U2SURP: variants seen among roughly 807,000 people sequenced by gnomAD.
U2SURP encodes U2 snRNP associated SURP domain containing.
U2SURP carries 9 observed loss-of-function variants against 144.9 expected under a neutral mutation model. The ratio of observed to expected loss-of-function variants is 0.06; its 90% CI spans 0.04 to 0.11. The LOEUF (loss-of-function observed/expected upper bound fraction) is 0.11. U2SURP is among the 10% of genes least tolerant of loss of function. U2SURP has a pLI of 1.00. For missense variants in U2SURP, 724 were observed against 1,226.7 expected, an observed-to-expected ratio of 0.59 and a Z score of 6.12; for synonymous variants, 408 against 396.8, an observed-to-expected ratio of 1.03 and a Z score of -0.33.
chr3:143,010,229 A>T (rs1036244314), intron 1 of U2SURP, among the ~76,000 whole-genome samples: 54 of 152,226 alleles, frequency 3.5e-4, no homozygotes, highest in Non-Finnish European at 5.9e-5. Flanking sequence ...GGAAGATATT[A>T]TATGAACTCT....
At chr3:143,039,356 G>C (rs1230306481) in intron 23 of U2SURP, among the ~76,000 whole-genome samples, 1 of 151,824 alleles carries the variant, frequency 6.6e-6, no homozygotes, top group Non-Finnish European at 1.5e-5. Context: ...TATGGCCATT[G>C]TGTTATTTAA....
At chr3:143,056,195 T>C (rs1466439039) in intron 27 of U2SURP, 117 bp from the exon 28 acceptor site, 2 of 1,064,372 alleles carry the variant, frequency 1.9e-6, no homozygotes, top group Non-Finnish European at 1.3e-6. Context: ...GTTCATAGTC[T>C]TATTGCAGTG....
chr3:143,029,755 CCAAA>C (rs1407431450), intron 16 of U2SURP, among the ~76,000 whole-genome samples: 5 of 152,088 alleles, frequency 3.3e-5, no homozygotes, highest in African/African-American at 7.2e-5. Flanking sequence ...GCCTCTTGCA[CCAAA>C]CAGTGAGCCA....
At chr3:143,020,518 T>C (rs912560837) in intron 7 of U2SURP, 81 bp from the exon 8 acceptor site, 2 of 873,208 alleles carry the variant, frequency 2.3e-6, no homozygotes, top group East Asian at 2.6e-5. Context: ...TATTTGATGA[T>C]AGTAATTTGA....
chr3:143,035,519 C>A (rs2108297859), intron 19 of U2SURP, among the ~76,000 whole-genome samples: 1 of 152,208 alleles, frequency 6.6e-6, no homozygotes, highest in South Asian at 2.1e-4. Context: ...AAGTTTTTGA[C>A]CTTAAATTTT....
chr3:143,019,364 A>T (rs375583571), intron 6 of U2SURP, among the ~76,000 whole-genome samples: 133 of 152,294 alleles, frequency 8.7e-4, no homozygotes, highest in African/African-American at 3.1e-3. Context: ...GATTATGAAT[A>T]TTCATTCCTG....
chr3:143,012,191 G>GT (rs761365625), intron 2 of U2SURP, 31 bp from the exon 3 acceptor site: 10 of 1,601,502 alleles, frequency 6.2e-6, no homozygotes, highest in Admixed American at 3.5e-5. Flanking sequence ...TGTGTGGTTT[G>GT]TTTTTTTCTC....
chr3:143,014,023 T>C (rs987364585), intron 3 of U2SURP, among the ~76,000 whole-genome samples: 1 of 151,602 alleles, frequency 6.6e-6, no homozygotes, highest in Non-Finnish European at 1.5e-5. Flanking sequence ...TTTATTCTTG[T>C]TCTAAGCATT....
In U2SURP at chr3:143,055,027, A is replaced by G. The variant is rs367886781; in HGVS notation, c.2859A>G (p.Arg953=). 63 of 1,608,734 alleles carry G rather than the reference A, an allele frequency of 3.9e-5. No individual in the cohort carries two copies. Among genetic ancestry groups the G allele is most frequent in the Admixed American group, 3.7e-4 (22 of 59,360 alleles). ...AATCCCCATCACCAAAATCGGAGCG[A>G]TCAGAGCGTTCAGAAAGATCTCATA... ...RVKSPSPKSE[R]SERSERSHKE... Residue 953 remains arginine, a synonymous_variant, in exon 27 of 28, where the codon CGA becomes CGG. Transcript: ENST00000473835.
intron 23 of U2SURP, among the ~76,000 whole-genome samples, chr3:143,039,838 T>C (rs962180210): frequency 1.3e-5 from 2 of 151,902 alleles, no homozygotes; most frequent in African/African-American, 4.8e-5. Flanking sequence ...TTTGATACGA[T>C]GGTGAAAACT....
At chr3:143,007,882 T>C (rs1935927313) in intron 1 of U2SURP, among the ~76,000 whole-genome samples, 1 of 152,256 alleles carries the variant, frequency 6.6e-6, no homozygotes, top group Middle Eastern at 3.2e-3. Context: ...CTATATTTAC[T>C]GTTTACCTTG....
rs767022063 is a variant in U2SURP, at chr3:143,016,368, A to G, written c.433A>G (p.Lys145Glu). 1 of 1,611,664 alleles carries G rather than the reference A, an allele frequency of 6.2e-7. No individual in the cohort carries two copies. The highest frequency in any genetic ancestry group is 8.5e-7 in the Non-Finnish European group (1 of 1,178,260). ...FVRGGVVNAA[K>E]EEHETDEKRG... is the part of the protein sequence containing the mutation. ...GCGAGGGGGTGTTGTTAATGCAGCT[A>G]AAGGTAAGTTTATAAAGTATAACTG... The change falls in exon 5 of 28, where the codon AAA becomes GAA. Residue 145 changes from lysine to glutamate, a missense_variant. Lys to Glu is a moderately conservative substitution (Grantham distance 56, BLOSUM62 1). Coordinates refer to ENST00000473835, the MANE Select transcript of U2SURP (RefSeq NM_001080415.2).
intron 16 of U2SURP, 54 bp downstream of exon 16, chr3:143,028,700 C>A: frequency 1.4e-6 from 2 of 1,468,386 alleles, no homozygotes; most frequent in East Asian, 2.3e-5. Context: ...GTAATGGTTG[C>A]TTTAATTAAT....
chr3:143,019,869 A>T, intron 6 of U2SURP, 100 bp from the exon 7 acceptor site: 1 of 520,504 alleles, frequency 1.9e-6, no homozygotes, highest in African/African-American at 2.0e-5. Context: ...TAATTAGAAC[A>T]TACAATTTGT....
Position 143,053,522 on chromosome 3 carries a change from C to T in U2SURP, c.2656-154C>T, listed in dbSNP as rs143963904. On this transcript the variant is annotated intron_variant, in intron 25 of 27. Transcript: ENST00000473835. ...ATAAGCAAAAGAAATGACTAGTTTC[C>T]CTGAAGGGGTAGATTTTTTTTTTTT... Among the ~76,000 whole-genome samples, 41 of 128,488 alleles carry T rather than the reference C, an allele frequency of 3.2e-4. No individual in the cohort carries two copies. In the East Asian group the frequency reaches 4.7e-3, roughly 15 times the overall value. The allele number at this position is 128,488 out of a possible 152,430, so 84.3% of individuals were successfully genotyped here.
At position 143,034,868 on chromosome 3, in the gene U2SURP, ATG is replaced by A; in HGVS notation, c.1854-16_1854-15del. The A allele has an allele frequency of 1.4e-6, 2 of 1,480,032 alleles. No individual in the cohort carries two copies. The highest frequency in any genetic ancestry group is 1.7e-4 in the Middle Eastern group (1 of 5,780). 91.7% of individuals were successfully genotyped at this position (1,480,032 alleles called of 1,614,324 possible). The stretch of plus-strand genomic sequence containing the variant: ...AATTTTAAACATTTTATTTTAAAGA[ATG>A]TGTTATTTGAATTTCAGTTTTGAAA... On this transcript the variant is annotated intron_variant, in intron 18 of 27. Coordinates refer to ENST00000473835, the MANE Select transcript of U2SURP (RefSeq NM_001080415.2).
chr3:143,037,979 A>G, intron 21 of U2SURP, 129 bp from the exon 22 acceptor site: 1 of 547,426 alleles, frequency 1.8e-6, no homozygotes, highest in Non-Finnish European at 3.1e-6. Flanking sequence ...CCTTGTTCTT[A>G]GTATTACTAT....
chr3:143,006,683 C>A (rs889744382), intron 1 of U2SURP, among the ~76,000 whole-genome samples: 1 of 152,014 alleles, frequency 6.6e-6, no homozygotes, highest in African/African-American at 2.4e-5. Context: ...CGGAGGTTGC[C>A]GAGAGCCGAG....
At chr3:143,039,730 G>A (rs964718525) in intron 23 of U2SURP, among the ~76,000 whole-genome samples, 41 of 151,454 alleles carry the variant, frequency 2.7e-4, no homozygotes, top group African/African-American at 9.4e-4. Flanking sequence ...GAAAACCCCT[G>A]TGTGTCCTAG....
Sources: allele counts gnomAD v4.1 joint callset (sites outside exome capture counted in the v4.1 genomes callset), GRCh38; gene constraint gnomAD v4.1.1; transcripts MANE v1.5; gene names NCBI Gene and HGNC (gene_info 2026-07-23, HGNC 2026-07-21).